PLCH1: variants seen among roughly 807,000 people sequenced by gnomAD.
The protein encoded by PLCH1 is 1-phosphatidylinositol 4,5-bisphosphate phosphodiesterase eta-1.
Under a neutral mutation model 126.7 loss-of-function variants are expected in PLCH1, and 60 were observed. The ratio of observed to expected loss-of-function variants is 0.47; its 90% CI spans 0.38 to 0.59. The LOEUF (loss-of-function observed/expected upper bound fraction) is 0.59. PLCH1 is among the 20% of genes least tolerant of loss of function. The pLI is 0.00. For synonymous variants in PLCH1, 719 were observed against 734.9 expected (o/e 0.98, Z 0.35); for missense variants, 1,723 against 2,040.0 (o/e 0.84, Z 2.99).
At chr3:155,731,744 A>C (rs921483376) in intron 1 of PLCH1, among the ~76,000 whole-genome samples, 17 of 152,182 alleles carry the variant, frequency 1.1e-4, no homozygotes, top group Non-Finnish European at 2.1e-4. Flanking sequence ...GCACTTTAGA[A>C]AGTCAAGGCA....
Position 155,485,498 on chromosome 3 carries a change from A to C in PLCH1, c.2832T>G (p.Asp944Glu). The change falls in exon 22 of 23, where the codon GAT (aspartate) becomes GAG (glutamate). Residue 944 changes from aspartate to glutamate, a missense_variant. This residue lies in a region of PLCH1 where 947 missense variants were observed against 977.1 expected (regional missense o/e 0.97). Transcript: ENST00000460012. ...TGGTCCTCCTCAGCACGCCATCTTG[A>C]TCTCTTGTGGCCTCGGACACAGAAT... ...IKDSVSEATRDQDGVLRRTTR... is the reference protein window; with the variant it reads ...IKDSVSEATREQDGVLRRTTR... The C allele has an allele frequency of 1.2e-6, 2 of 1,614,138 alleles. No homozygotes were observed. The highest frequency in any genetic ancestry group is 2.2e-5 in the East Asian group (1 of 44,884).
At chr3:155,634,992 T>C (rs1738550186) in intron 2 of PLCH1, among the ~76,000 whole-genome samples, 1 of 152,198 alleles carries the variant, frequency 6.6e-6, no homozygotes, top group Non-Finnish European at 1.5e-5. Flanking sequence ...TGGACTGGAC[T>C]CACTTCCTTC....
chr3:155,482,331 T>C lies in PLCH1; in HGVS notation c.3695A>G (p.His1232Arg), dbSNP rs747339994. The C allele has an allele frequency of 2.5e-6, 4 of 1,614,070 alleles. No individual in the cohort carries two copies. The highest frequency in any genetic ancestry group is 3.4e-6 in the Non-Finnish European group (4 of 1,180,032). The stretch of plus-strand genomic sequence containing the variant: ...CTTGGATTTTCCCTTGCAAAAACCA[T>C]GCTTGATGGGCATTTTTAGGCCCAG... ...PSLGLKMPIK[H>R]GFCKGKSKSS... The change falls in exon 23 of 23, where the codon CAT becomes CGT. Residue 1232 changes from histidine to arginine, a missense_variant. His to Arg is a conservative substitution (Grantham distance 29). This residue lies in a region of PLCH1 where 947 missense variants were observed against 977.1 expected (regional missense o/e 0.97). Transcript: ENST00000460012.
chr3:155,542,669 G>A (rs531525456), intron 10 of PLCH1, among the ~76,000 whole-genome samples: 168 of 152,250 alleles, frequency 1.1e-3, no homozygotes, highest in Middle Eastern at 3.4e-3. Flanking sequence ...TCACACAGCC[G>A]GGTACTCCTC....
In PLCH1 at chr3:155,481,873, T is replaced by C. The variant is rs2108006086; in HGVS notation, c.4153A>G (p.Asn1385Asp). The change falls in exon 23 of 23, where the codon AAT becomes GAT. Residue 1385 changes from asparagine to aspartate, a missense_variant. By Grantham distance (23) the Asn-to-Asp change is conservative (BLOSUM62 1). Coordinates refer to ENST00000460012, the MANE Select transcript of PLCH1 (RefSeq NM_014996.4). This position sits in a 1 kb window ranked among gnomAD's most constrained non-coding sequence, Gnocchi z 4.2. Reference protein sequence around the residue: ...QLASPLKLKYNQGVVEHFQRG... With the variant: ...QLASPLKLKYDQGVVEHFQRG... ...TGAAAGTGTTCTACCACACCCTGAT[T>C]GTACTTGAGTTTTAAAGGAGAAGCA... is the stretch of plus-strand genomic sequence containing the variant. The C allele has an allele frequency of 6.2e-7, 1 of 1,614,156 alleles. No individual in the cohort carries two copies. Among genetic ancestry groups the C allele is most frequent in the Non-Finnish European group, 8.5e-7 (1 of 1,180,010 alleles).
At chr3:155,698,789 C>T (rs956654028) in intron 2 of PLCH1, among the ~76,000 whole-genome samples, 1 of 152,276 alleles carries the variant, frequency 6.6e-6, no homozygotes, top group Non-Finnish European at 1.5e-5. Flanking sequence ...CTGCAAGATA[C>T]ACCTGAACAT....
intron 12 of PLCH1, among the ~76,000 whole-genome samples, chr3:155,511,293 G>C (rs1346371002): frequency 7.5e-6 from 1 of 133,360 alleles, no homozygotes; most frequent in East Asian, 2.1e-4. Flanking sequence ...CTTTGCCTTT[G>C]GTTTGAATGT....
At position 155,481,522 on chromosome 3, in the gene PLCH1, T is replaced by C; in HGVS notation, c.4504A>G (p.Lys1502Glu). 1 of 1,614,170 alleles carries C rather than the reference T, an allele frequency of 6.2e-7. No homozygotes were observed. The highest frequency in any genetic ancestry group is 8.5e-7 in the Non-Finnish European group (1 of 1,180,008). Residue 1502 changes from lysine (K) to glutamate (E), a missense_variant, in exon 23 of 23, where the codon AAG becomes GAG. Lys to Glu is a moderately conservative substitution (Grantham distance 56). This residue lies in a region of PLCH1 where 947 missense variants were observed against 977.1 expected (regional missense o/e 0.97). Transcript: ENST00000460012. The surrounding 1 kb of genome is among the most constrained non-coding windows in gnomAD (Gnocchi z 4.2). ...SEDIACNFES[K>E]YQCISKSFVT... ...AAACTCTTACTAATACACTGGTACT[T>C]GCTCTCAAAATTGCAGGCAATGTCC...
At chr3:155,511,504 T>C (rs1294399872) in intron 12 of PLCH1, among the ~76,000 whole-genome samples, 3 of 118,706 alleles carry the variant, frequency 2.5e-5, no homozygotes, top group African/African-American at 1.3e-4. Context: ...TTTTGGTCTT[T>C]GATGATGGTG....
intron 2 of PLCH1, chr3:155,676,252 GAT>G: frequency 1.6e-6 from 2 of 1,221,512 alleles, no homozygotes; most frequent in Admixed American, 4.3e-5. Flanking sequence ...AAATCCATGA[GAT>G]ATGATTATAG....
intron 2 of PLCH1, among the ~76,000 whole-genome samples, chr3:155,613,743 G>A (rs1735432977): frequency 6.6e-6 from 1 of 152,082 alleles, no homozygotes; most frequent in Non-Finnish European, 1.5e-5. Context: ...ACTGGAACGA[G>A]ACAAGGATGA....
Position 155,664,741 on chromosome 3 carries a change from T to C in PLCH1, c.79+39405A>G, listed in dbSNP as rs1169173510. ...CATTTGCATAACATTTCATAATTTA[T>C]GAAGCTATTTCATATATATTAGCTC... On this transcript the variant is annotated intron_variant, in intron 2 of 22. Transcript: ENST00000460012. 2.6e-5 allele frequency among the ~76,000 whole-genome samples: 4 copies of C among 152,264 alleles called. 1 individual carries two copies. Among genetic ancestry groups the C allele is most frequent in the African/African-American group, 9.6e-5 (4 of 41,466 alleles).
chr3:155,744,531 C>G (rs1411404400), intron 1 of PLCH1, among the ~76,000 whole-genome samples: 4 of 152,154 alleles, frequency 2.6e-5, no homozygotes, highest in Non-Finnish European at 5.9e-5. Flanking sequence ...GACCTTCCAC[C>G]GGGCGAAACG....
chr3:155,679,954 C>CT, intron 2 of PLCH1, among the ~76,000 whole-genome samples: 1 of 152,250 alleles, frequency 6.6e-6, no homozygotes, highest in African/African-American at 2.4e-5. Flanking sequence ...TCCTGGAAAC[C>CT]ATGTCTAAAG....
intron 10 of PLCH1, among the ~76,000 whole-genome samples, chr3:155,537,887 G>A (rs1286633167): frequency 6.6e-6 from 1 of 152,024 alleles, no homozygotes; most frequent in African/African-American, 2.4e-5. Flanking sequence ...CTATACCCTA[G>A]AACAAATAGA....
intron 21 of PLCH1, among the ~76,000 whole-genome samples, chr3:155,474,721 T>TA (rs1191703836): frequency 8.4e-6 from 1 of 118,564 alleles, no homozygotes; most frequent in Non-Finnish European, 1.6e-5. Flanking sequence ...ATGTGGCACA[T>TA]ATACACCATG....
chr3:155,676,241 T>C (rs1744075210), intron 2 of PLCH1: 1 of 1,234,858 alleles, frequency 8.1e-7, no homozygotes, highest in African/African-American at 1.6e-5. Flanking sequence ...GTGGAGAAAA[T>C]AAATCCATGA....
rs1332946464 is a variant in PLCH1 at position 155,594,126 on chromosome 3, T to C, written c.285A>G (p.Arg95=). The change falls in exon 4 of 23, where the codon AGA becomes AGG. Residue 95 remains arginine (R), a synonymous_variant. Coordinates refer to ENST00000460012, the MANE Select transcript of PLCH1 (RefSeq NM_014996.4). ...TGGGGTCGAAGTTCCCCTCAGCTTG[T>C]CTGTGGAATATTTCAGACTGCCGGC... The part of the protein sequence containing the change: ...TEGRQSEIFH[R]QAEGNFDPSC... 6.2e-7 allele frequency: 1 copy of C among 1,614,090 alleles called. No individual in the cohort carries two copies. The highest frequency in any genetic ancestry group is 2.2e-5 in the East Asian group (1 of 44,878).
At chr3:155,687,501 A>G (rs1002853139) in intron 2 of PLCH1, among the ~76,000 whole-genome samples, 1 of 152,218 alleles carries the variant, frequency 6.6e-6, no homozygotes, top group Non-Finnish European at 1.5e-5. Flanking sequence ...CATTACTAGT[A>G]TCAGAAACAT....
Sources: gnomAD v4.1 joint callset for allele counts (sites outside exome capture counted in the v4.1 genomes callset) on GRCh38, gnomAD v4.1.1 for gene constraint, gnomAD v4.1.1 regional missense constraint, Gnocchi (gnomAD v3.1) non-coding constraint, MANE v1.5 for transcripts, NCBI Gene and HGNC (gene_info 2026-07-23, HGNC 2026-07-21) for gene names.